PHKG1: variants seen among roughly 807,000 people sequenced by gnomAD.
PHKG1 encodes phosphorylase b kinase gamma catalytic chain, skeletal muscle/heart isoform.
In PHKG1, 48 loss-of-function variants were observed where a neutral mutation model predicts 50.5. The ratio of observed to expected loss-of-function variants is 0.95; its 90% CI spans 0.75 to 1.21. The LOEUF is 1.21. Ranked by LOEUF, PHKG1 falls within the 50% of genes most tolerant of loss-of-function variation. The pLI is 0.00. For missense variants in PHKG1, 487 were observed against 519.5 expected, an observed-to-expected ratio of 0.94 and a Z score of 0.61; for synonymous variants, 204 against 212.8, an observed-to-expected ratio of 0.96 and a Z score of 0.36.
intron 4 of PHKG1, among the ~76,000 whole-genome samples, chr7:56,085,472 C>T (rs78320534): frequency 0.011 from 1,682 of 152,296 alleles, 36 homozygotes; most frequent in African/African-American, 0.037. Context: ...ATAAGGGGCT[C>T]ATCTTACTAA....
chr7:56,092,417 C>T (rs999765662), intron 1 of PHKG1, among the ~76,000 whole-genome samples: 3 of 152,190 alleles, frequency 2.0e-5, no homozygotes, highest in Admixed American at 6.5e-5. Flanking sequence ...GGACTACAGG[C>T]ACGAGCCATC....
chr7:56,083,148 C>T lies in PHKG1; in HGVS notation c.547+130G>A. The T allele has an allele frequency of 6.5e-6, 5 of 772,896 alleles. No homozygotes were observed. In the South Asian group the frequency reaches 8.0e-5, roughly 12 times the overall value. 47.9% of individuals were successfully genotyped at this position (772,896 alleles called of 1,614,324 possible). On this transcript the variant is annotated intron_variant, in intron 6 of 9. Coordinates refer to ENST00000297373, the MANE Select transcript of PHKG1 (RefSeq NM_006213.5). Reference sequence around the variant, plus strand: ...AAGAAAAAGAAAAAAAAATCCCTAGCCCTTGAAATGGTGGAATTTTTATTC... The same window carrying T: ...AAGAAAAAGAAAAAAAAATCCCTAGTCCTTGAAATGGTGGAATTTTTATTC...
At chr7:56,086,125 C>T (rs886527424) in intron 4 of PHKG1, among the ~76,000 whole-genome samples, 5 of 151,626 alleles carry the variant, frequency 3.3e-5, no homozygotes, top group African/African-American at 1.2e-4. Context: ...ACTTCCTGGA[C>T]ATGCTTTCCT....
At chr7:56,083,553 C>T in intron 5 of PHKG1, 97 bp downstream of exon 5, 7 of 1,501,522 alleles carry the variant, frequency 4.7e-6, no homozygotes, top group Non-Finnish European at 6.5e-6. Context: ...ACACGCCCAG[C>T]CCAGACATGT....
rs1056449871 is a variant in PHKG1, at chr7:56,089,039, T to G, written c.-34-64A>C. 4.0e-6 allele frequency: 3 copies of G among 745,944 alleles called. No individual in the cohort carries two copies. The South Asian group carries it at 4.6e-5, about 11-fold the overall frequency. 46.2% of individuals were successfully genotyped at this position (745,944 alleles called of 1,614,324 possible). ...CCCAGGGGCTGTTCTCCTTGGGGTC[T>G]GGAACTGTTTCTCACTCATCCTTAC... On this transcript the variant is annotated intron_variant, in intron 1 of 9. Coordinates refer to ENST00000297373, the MANE Select transcript of PHKG1 (RefSeq NM_006213.5).
In PHKG1 at chr7:56,083,668, A is replaced by C; in HGVS notation, c.365T>G (p.Leu122Trp). 6.3e-7 allele frequency: 1 copy of C among 1,585,152 alleles called. No homozygotes were observed. Reference sequence around the variant, plus strand: ...CCCTCACCTGGTTTCCTTCTCACTCAAGGTGACCTTCTCAGTGAGGTAGTC... The same window carrying C: ...CCCTCACCTGGTTTCCTTCTCACTCCAGGTGACCTTCTCAGTGAGGTAGTC... ...LFDYLTEKVTLSEKETRKIMR... is the reference protein window; with the variant it reads ...LFDYLTEKVTWSEKETRKIMR... The change falls in exon 5 of 10, where the codon TTG (leucine) becomes TGG (tryptophan). Residue 122 changes from leucine to tryptophan, a missense_variant. Leu to Trp is a moderately conservative substitution (Grantham distance 61). Coordinates refer to ENST00000297373, the MANE Select transcript of PHKG1 (RefSeq NM_006213.5).
intron 2 of PHKG1, among the ~76,000 whole-genome samples, chr7:56,087,987 G>A (rs1040262272): frequency 2.1e-5 from 3 of 140,214 alleles, no homozygotes; most frequent in Non-Finnish European, 3.0e-5. Context: ...CTCTCAGGCC[G>A]TGTGACTCTT....
chr7:56,086,466 A>G (rs1014956056), intron 4 of PHKG1, among the ~76,000 whole-genome samples: 5 of 152,074 alleles, frequency 3.3e-5, no homozygotes, highest in South Asian at 4.2e-4. Context: ...TGAGGCCAAG[A>G]GTTTTGGGGT....
intron 1 of PHKG1, among the ~76,000 whole-genome samples, chr7:56,091,812 T>A (rs994672152): frequency 6.6e-6 from 1 of 152,220 alleles, no homozygotes; most frequent in Non-Finnish European, 1.5e-5. Context: ...AGGTTTAGAA[T>A]AACAAGTCCC....
chr7:56,091,985 C>T (rs914276174), intron 1 of PHKG1, among the ~76,000 whole-genome samples: 1 of 152,248 alleles, frequency 6.6e-6, no homozygotes. Context: ...CATCACCTCC[C>T]AAAGCTGGGT....
At chr7:56,083,157 T>A in intron 6 of PHKG1, 121 bp downstream of exon 6, 3 of 805,484 alleles carry the variant, frequency 3.7e-6, no homozygotes, top group Non-Finnish European at 5.7e-6. Context: ...GCCCTTGAAA[T>A]GGTGGAATTT....
Position 56,087,695 on chromosome 7 carries a change from A to G in PHKG1, c.165T>C (p.Gly55=), listed in dbSNP as rs148807750. 2.0e-3 allele frequency: 3,234 copies of G among 1,613,846 alleles called. 10 individuals are homozygous for G. The highest frequency in any genetic ancestry group is 2.4e-3 in the Non-Finnish European group (2,879 of 1,180,000). The part of the protein sequence containing the change: ...EYAVKVIDVT[G]GGSFSPEEVR... ...CCTCCTCCGGGCTGAAGCTGCCTCC[A>G]CCGGTGACGTCGATGACCTTCACGG... The change falls in exon 3 of 10, where the codon GGT becomes GGC. Residue 55 remains glycine, a synonymous_variant. Transcript: ENST00000297373.
chr7:56,081,370 C>T lies in PHKG1; in HGVS notation c.919-71G>A, dbSNP rs1229189507. 5.5e-5 allele frequency: 83 copies of T among 1,521,154 alleles called. 1 individual carries two copies. The highest frequency in any genetic ancestry group is 3.7e-4 in the South Asian group (31 of 83,450). The allele number at this position is 1,521,154 out of a possible 1,614,324, so 94.2% of individuals were successfully genotyped here. On this transcript the variant is annotated intron_variant, in intron 9 of 9. Coordinates refer to ENST00000297373, the MANE Select transcript of PHKG1 (RefSeq NM_006213.5). The surrounding 1 kb of genome is among the most constrained non-coding windows in gnomAD (Gnocchi z 4.6). ...AGGCCCTGCCCCTCCAGCACAGGGA[C>T]GCTCTGGGCTCGTTTGCCACGAAGC...
At chr7:56,090,483 C>T (rs1490651041) in intron 1 of PHKG1, among the ~76,000 whole-genome samples, 1 of 152,182 alleles carries the variant, frequency 6.6e-6, no homozygotes, top group African/African-American at 2.4e-5. Flanking sequence ...ATTACATCTC[C>T]ATTCTGCAGA....
chr7:56,081,744 G>C lies in PHKG1; in HGVS notation c.804C>G (p.Phe268Leu). ...AGCGGTTCTGGGGTTGCACCACCAG[G>C]AATCGGGAGACCTGTGAGAGGAGGA... Reference protein sequence around the residue: ...SDTVKDLVSRFLVVQPQNRYT... With the variant: ...SDTVKDLVSRLLVVQPQNRYT... Residue 268 changes from phenylalanine (F) to leucine (L), a missense_variant, in exon 9 of 10, where the codon TTC becomes TTG. Phe to Leu is a conservative substitution (Grantham distance 22). Coordinates refer to ENST00000297373, the MANE Select transcript of PHKG1 (RefSeq NM_006213.5). This position sits in a 1 kb window ranked among gnomAD's most constrained non-coding sequence, Gnocchi z 4.6. 4 of 1,613,626 alleles carry C rather than the reference G, an allele frequency of 2.5e-6. No individual in the cohort carries two copies. The highest frequency in any genetic ancestry group is 3.4e-6 in the Non-Finnish European group (4 of 1,179,706).
At position 56,086,964 on chromosome 7, in the gene PHKG1, A is replaced by G; in HGVS notation, c.317+6T>C. 2 of 1,610,676 alleles carry G rather than the reference A, an allele frequency of 1.2e-6. No individual in the cohort carries two copies. Among genetic ancestry groups the G allele is most frequent in the Non-Finnish European group, 1.7e-6 (2 of 1,177,018 alleles). On this transcript the variant is annotated splice_donor_region_variant and intron_variant, in intron 4 of 9. Coordinates refer to ENST00000297373, the MANE Select transcript of PHKG1 (RefSeq NM_006213.5). ...GGTGTGGCTTGCTCCAGTGCTGGGT[A>G]CTTACAGGTCAAACACCAAGAAGAA...
In PHKG1 at chr7:56,083,695, A is replaced by G. The variant is rs139633155; in HGVS notation, c.338T>C (p.Phe113Ser). The G allele has an allele frequency of 1.9e-6, 3 of 1,582,872 alleles. No homozygotes were observed. The highest frequency in any genetic ancestry group is 1.3e-5 in the African/African-American group (1 of 74,518). The part of the protein sequence containing the change: ...VFDLMKRGEL[F>S]DYLTEKVTLS... ...GGTGACCTTCTCAGTGAGGTAGTCA[A>G]AGAGCTCCCCTCTCTTCATCCTGTG... Residue 113 changes from phenylalanine to serine, a missense_variant, in exon 5 of 10, where the codon TTT becomes TCT. Phe to Ser is a radical substitution (Grantham distance 155). Coordinates refer to ENST00000297373, the MANE Select transcript of PHKG1 (RefSeq NM_006213.5).
At chr7:56,086,820 C>G in intron 4 of PHKG1, 150 bp downstream of exon 4, 1 of 667,504 alleles carries the variant, frequency 1.5e-6, no homozygotes, top group Non-Finnish European at 2.7e-6. Flanking sequence ...GCAGCCTGAC[C>G]CCAGGGGCTG....
At chr7:56,086,844 C>A in intron 4 of PHKG1, 126 bp downstream of exon 4, 3 of 792,934 alleles carry the variant, frequency 3.8e-6, no homozygotes, top group South Asian at 2.8e-5. Context: ...TGTCTAAACA[C>A]CGTGATTGTA....
Sources: gnomAD v4.1 joint callset for allele counts (sites outside exome capture counted in the v4.1 genomes callset) on GRCh38, gnomAD v4.1.1 for gene constraint, Gnocchi (gnomAD v3.1) non-coding constraint, MANE v1.5 for transcripts, NCBI Gene and HGNC (gene_info 2026-07-23, HGNC 2026-07-21) for gene names.